FGD3: variants seen among roughly 807,000 people sequenced by gnomAD.
The protein encoded by FGD3 is FYVE, RhoGEF and PH domain containing 3.
FGD3 carries 45 observed loss-of-function variants against 71.8 expected under a neutral mutation model. The observed-to-expected ratio is 0.63, with a 90% CI of 0.49 to 0.80. The LOEUF (loss-of-function observed/expected upper bound fraction) is 0.80. FGD3 is among the 30% of genes least tolerant of loss of function. The pLI is 0.00. For missense variants in FGD3, 844 were observed against 951.5 expected (o/e 0.89, Z 1.49); for synonymous variants, 378 against 392.8 (o/e 0.96, Z 0.44).
At chr9:92,972,375 C>G (rs4410964) in intron 1 of FGD3, among the ~76,000 whole-genome samples, 71,710 of 150,740 alleles carry the variant, frequency 0.48, 17,237 homozygotes, top group Middle Eastern at 0.53. Context: ...TCACTTGAAC[C>G]CAGGAGGCGG....
intron 2 of FGD3, among the ~76,000 whole-genome samples, chr9:92,975,825 T>C (rs1199721582): frequency 1.3e-5 from 2 of 151,976 alleles, no homozygotes; most frequent in Non-Finnish European, 2.9e-5. Flanking sequence ...CCTGGGAGTA[T>C]CAGAGGATTG....
intron 3 of FGD3, among the ~76,000 whole-genome samples, chr9:92,996,934 T>C (rs1860669591): frequency 6.6e-6 from 1 of 152,258 alleles, no homozygotes; most frequent in South Asian, 2.1e-4. Context: ...GATGTGGTGC[T>C]GAGAAGAATT....
At chr9:93,034,495 C>G (rs758124005) in intron 16 of FGD3, 46 bp from the exon 17 acceptor site, 2 of 1,560,840 alleles carry the variant, frequency 1.3e-6, no homozygotes, top group Non-Finnish European at 1.7e-6. Flanking sequence ...ACAGGGGTGA[C>G]CACTGCAGGG....
intron 15 of FGD3, 136 bp from the exon 16 acceptor site, chr9:93,032,633 T>C: frequency 2.4e-6 from 2 of 826,326 alleles, no homozygotes; most frequent in East Asian, 2.5e-5. Context: ...GAAGCTCTTA[T>C]CCCTCGCCAC....
At chr9:93,022,215 A>G in intron 13 of FGD3, 112 bp from the exon 14 acceptor site, 1 of 1,044,240 alleles carries the variant, frequency 9.6e-7, no homozygotes, top group Non-Finnish European at 1.4e-6. Flanking sequence ...CCTGCTCCCG[A>G]GCCTGCCCTC....
intron 1 of FGD3, among the ~76,000 whole-genome samples, chr9:92,966,293 C>G (rs551602307): frequency 4.0e-4 from 61 of 152,278 alleles, no homozygotes; most frequent in Non-Finnish European, 1.3e-4. Flanking sequence ...GGTCTGGGGA[C>G]AAGCTGCCTG....
chr9:92,994,954 C>A (rs937391523), intron 3 of FGD3, among the ~76,000 whole-genome samples: 1 of 152,102 alleles, frequency 6.6e-6, no homozygotes, highest in South Asian at 2.1e-4. Flanking sequence ...CTTGGCAATG[C>A]GGGCTCTTTT....
intron 6 of FGD3, 69 bp downstream of exon 6, chr9:93,006,249 T>A (rs1165209005): frequency 2.1e-6 from 3 of 1,410,506 alleles, no homozygotes; most frequent in Non-Finnish European, 2.8e-6. Flanking sequence ...TTTTATTTTT[T>A]AAAAACATAT....
At chr9:93,010,439 T>TG (rs1256095528) in intron 7 of FGD3, 55 bp downstream of exon 7, 1 of 1,512,578 alleles carries the variant, frequency 6.6e-7, no homozygotes. Context: ...CCAAGAACTC[T>TG]GGGGGTGGGG....
intron 15 of FGD3, 174 bp from the exon 16 acceptor site, chr9:93,032,595 T>C (rs1196548098): frequency 4.5e-6 from 3 of 660,076 alleles, no homozygotes; most frequent in Non-Finnish European, 8.0e-6. Flanking sequence ...CCTTGCTCTC[T>C]GCCCTCAGAC....
intron 3 of FGD3, among the ~76,000 whole-genome samples, chr9:92,978,705 C>G (rs1175776741): frequency 2.9e-5 from 2 of 70,042 alleles, no homozygotes; most frequent in Non-Finnish European, 5.7e-5. Flanking sequence ...CCTCCCTTCC[C>G]CCATTCGCCT....
chr9:92,976,090 C>T, intron 2 of FGD3, 118 bp from the exon 3 acceptor site: 1 of 621,722 alleles, frequency 1.6e-6, no homozygotes, highest in Non-Finnish European at 2.7e-6. Flanking sequence ...AGCCCACCTG[C>T]TCCAGGCTTT....
chr9:93,018,190 A>G lies in FGD3; in HGVS notation c.1330A>G (p.Lys444Glu), dbSNP rs762225148. The change falls in exon 11 of 18, where the codon AAA becomes GAA. Residue 444 changes from lysine to glutamate, a missense_variant. Coordinates refer to ENST00000375482, the MANE Select transcript of FGD3 (RefSeq NM_001083536.2). ...ACATACATTCATCATAACAGGAAGA[A>G]AAAGGTCCCTGGAGCTGCAGACGCG... ...TAHTFIITGR[K>E]RSLELQTRTE... 20 of 1,614,062 alleles carry G rather than the reference A, an allele frequency of 1.2e-5. 1 individual carries two copies. The South Asian group carries it at 2.1e-4, about 17-fold the overall frequency.
At position 93,024,296 on chromosome 9, in the gene FGD3, G is replaced by T. The variant is rs558396542; in HGVS notation, c.1557+1907G>T. Reference sequence around the variant, plus strand: ...CACACAATCGCAGGGTCACAGTGGGGACGTGACAGCCCACACCCATGCATA... The same window carrying T: ...CACACAATCGCAGGGTCACAGTGGGTACGTGACAGCCCACACCCATGCATA... On this transcript the variant is annotated intron_variant, in intron 14 of 17. Transcript: ENST00000375482. 6.2e-4 allele frequency among the ~76,000 whole-genome samples: 94 copies of T among 152,348 alleles called. 1 individual carries two copies. The highest frequency in any genetic ancestry group is 1.8e-3 in the African/African-American group (73 of 41,578).
chr9:93,019,816 G>T lies in FGD3; in HGVS notation c.1356-15G>T. ...TCCAAGACTGGATTAATACAAGACC[G>T]TTTTGGTTTTTTAGGACAGAGGAAG... On this transcript the variant is annotated splice_polypyrimidine_tract_variant and intron_variant, in intron 11 of 17. Coordinates refer to ENST00000375482, the MANE Select transcript of FGD3 (RefSeq NM_001083536.2). The T allele has an allele frequency of 6.2e-7, 1 of 1,613,572 alleles. No individual in the cohort carries two copies. Among genetic ancestry groups the T allele is most frequent in the Non-Finnish European group, 8.5e-7 (1 of 1,179,562 alleles).
At chr9:93,033,060 T>C in intron 16 of FGD3, 187 bp downstream of exon 16, 1 of 675,532 alleles carries the variant, frequency 1.5e-6, no homozygotes, top group South Asian at 1.5e-5. Flanking sequence ...GTGTGCACGC[T>C]GGCTTCTCGG....
intron 3 of FGD3, among the ~76,000 whole-genome samples, chr9:92,989,931 T>C (rs1346288454): frequency 1.3e-5 from 2 of 151,644 alleles, no homozygotes; most frequent in Non-Finnish European, 2.9e-5. Flanking sequence ...TTTTTTTTTT[T>C]TTTTTTACCT....
rs377282332 is a variant in FGD3, at chr9:93,028,340, A to G, written c.1558-1534A>G. On this transcript the variant is annotated intron_variant, in intron 14 of 17. Coordinates refer to ENST00000375482, the MANE Select transcript of FGD3 (RefSeq NM_001083536.2). ...TTTAGGTAGTTTTCTTTTAAACAGGAAAAAAAAAAAAAAAGAAAGAAAAAC... is the reference window on the plus strand; with the variant it reads ...TTTAGGTAGTTTTCTTTTAAACAGGGAAAAAAAAAAAAAAGAAAGAAAAAC... 3.0e-3 allele frequency among the ~76,000 whole-genome samples: 107 copies of G among 35,304 alleles called. No individual in the cohort carries two copies. The African/African-American group carries it at 0.043, about 14-fold the overall frequency. The allele number at this position is 35,304 out of a possible 152,430, so 23.2% of individuals were successfully genotyped here.
chr9:93,005,939 A>AC (rs1446082694), intron 5 of FGD3, 85 bp from the exon 6 acceptor site: 5 of 1,465,352 alleles, frequency 3.4e-6, no homozygotes, highest in Non-Finnish European at 4.6e-6. Context: ...TCCACCCCAC[A>AC]CCCCCCTGGT....
Sources: gnomAD v4.1 joint callset for allele counts (sites outside exome capture counted in the v4.1 genomes callset) on GRCh38, gnomAD v4.1.1 for gene constraint, MANE v1.5 for transcripts, NCBI Gene and HGNC (gene_info 2026-07-23, HGNC 2026-07-21) for gene names.